The following GALNT18 variants were observed in gnomAD, a reference collection of about 807,000 sequenced individuals.
GALNT18 encodes the protein GalNAc-transferase 18.
GALNT18 carries 44 observed loss-of-function variants against 69.5 expected under a neutral mutation model. The ratio of observed to expected loss-of-function variants is 0.63; its 90% CI spans 0.50 to 0.81. The LOEUF (loss-of-function observed/expected upper bound fraction) is 0.81. Among genes scored for constraint, GALNT18 ranks in the 40% least tolerant of loss-of-function variants. The pLI is 0.00. For missense variants in GALNT18, 715 were observed against 810.0 expected, an observed-to-expected ratio of 0.88 and a Z score of 1.42; for synonymous variants, 364 against 318.2, an observed-to-expected ratio of 1.14 and a Z score of -1.53.
intron 5 of GALNT18, among the ~76,000 whole-genome samples, chr11:11,373,102 T>A (rs899302944): frequency 1.3e-5 from 2 of 152,084 alleles, no homozygotes; most frequent in Admixed American, 1.3e-4. Context: ...GGGTAAAAAA[T>A]TTGAATTTTA....
At chr11:11,418,437 G>A (rs1854916839) in intron 3 of GALNT18, among the ~76,000 whole-genome samples, 1 of 152,164 alleles carries the variant, frequency 6.6e-6, no homozygotes, top group African/African-American at 2.4e-5. Flanking sequence ...CAAAAACAAA[G>A]GCAGGTTCTG....
rs78733957 is a variant in GALNT18 at position 11,515,092 on chromosome 11, G to A, written c.236-66156C>T. On this transcript the variant is annotated intron_variant, in intron 1 of 10. Transcript: ENST00000227756. ...GTTTTGAATCTGCCACTTTCTAGCT[G>A]CGGGTCTTTGAGCAAGTCACTTCAC... is the stretch of plus-strand genomic sequence containing the variant. Among the ~76,000 whole-genome samples the A allele has an allele frequency of 4.3e-4, 65 of 152,314 alleles. No homozygotes were observed. In the East Asian group the frequency reaches 0.011, roughly 26 times the overall value.
In GALNT18 at chr11:11,529,638, T is replaced by TATATAC. The variant is rs10624956; in HGVS notation, c.236-80703_236-80702insGTATAT. On this transcript the variant is annotated intron_variant, in intron 1 of 10. Transcript: ENST00000227756. ...ATAATAATCTCCTTATATATATATA[T>TATATAC]ACACACACACACACACACAGAGACA... Among the ~76,000 whole-genome samples the TATATAC allele has an allele frequency of 1.2e-3, 85 of 72,950 alleles. No individual in the cohort carries two copies. In the East Asian group the frequency reaches 0.079, roughly 68 times the overall value. The allele number at this position is 72,950 out of a possible 152,430, so 47.9% of individuals were successfully genotyped here.
chr11:11,451,119 C>T (rs142136440), intron 1 of GALNT18, among the ~76,000 whole-genome samples: 6 of 152,300 alleles, frequency 3.9e-5, no homozygotes, highest in Non-Finnish European at 8.8e-5. Flanking sequence ...ACAGCATTGT[C>T]AGGATTGCAG....
At chr11:11,308,174 T>C (rs1849609984) in intron 9 of GALNT18, among the ~76,000 whole-genome samples, 1 of 152,214 alleles carries the variant, frequency 6.6e-6, no homozygotes, top group African/African-American at 2.4e-5. Flanking sequence ...TATCTCCATA[T>C]ACGACTCTAC....
At chr11:11,423,750 G>A (rs1178173699) in intron 3 of GALNT18, among the ~76,000 whole-genome samples, 1 of 152,236 alleles carries the variant, frequency 6.6e-6, no homozygotes, top group Admixed American at 6.5e-5. Context: ...GGTAAAGGGT[G>A]TAGACGCTGA....
chr11:11,297,184 C>T (rs1327411150), intron 9 of GALNT18, among the ~76,000 whole-genome samples: 1 of 152,046 alleles, frequency 6.6e-6, no homozygotes, highest in East Asian at 1.9e-4. Context: ...GGACAGCCCC[C>T]CACAGCAAAG....
In GALNT18 at chr11:11,334,405, T is replaced by C. The variant is rs111680203; in HGVS notation, c.1279-1574A>G. ...AAAATACAAAAAAATTAGCCGGGCA[T>C]GGTGGCGGGCGCCTGTAGTCCCAGC... is the stretch of plus-strand genomic sequence containing the variant. On this transcript the variant is annotated intron_variant, in intron 7 of 10. Transcript: ENST00000227756. Among the ~76,000 whole-genome samples, 985 of 152,038 alleles carry C rather than the reference T, an allele frequency of 6.5e-3. 10 individuals are homozygous for C. Among genetic ancestry groups the C allele is most frequent in the African/African-American group, 0.023 (941 of 41,464 alleles).
intron 10 of GALNT18, among the ~76,000 whole-genome samples, chr11:11,288,439 C>T (rs1162107809): frequency 6.6e-6 from 1 of 152,182 alleles, no homozygotes; most frequent in Non-Finnish European, 1.5e-5. Context: ...GTTCTGCAGA[C>T]CAAGTCGGTC....
intron 1 of GALNT18, among the ~76,000 whole-genome samples, chr11:11,486,208 G>A (rs1230971449): frequency 1.3e-5 from 2 of 152,156 alleles, no homozygotes; most frequent in Non-Finnish European, 1.5e-5. Context: ...CACCATCCCA[G>A]GTCCTTGTAC....
rs1857053482 is a variant in GALNT18, at chr11:11,505,602, G to A, written c.236-56666C>T. On this transcript the variant is annotated intron_variant, in intron 1 of 10. Coordinates refer to ENST00000227756, the MANE Select transcript of GALNT18 (RefSeq NM_198516.3). This position sits in a 1 kb window ranked among gnomAD's most constrained non-coding sequence, Gnocchi z 4.6. ...TCCCCCATCAATGCCACATCATCTG[G>A]ATTCAGTCTCCGACATCCCAATGAA... is the stretch of plus-strand genomic sequence containing the variant. Among the ~76,000 whole-genome samples the A allele has an allele frequency of 6.6e-6, 1 of 152,050 alleles. No individual in the cohort carries two copies. The highest frequency in any genetic ancestry group is 2.4e-5 in the African/African-American group (1 of 41,390).
chr11:11,501,055 G>T (rs1171700567), intron 1 of GALNT18, among the ~76,000 whole-genome samples: 1 of 152,196 alleles, frequency 6.6e-6, no homozygotes, highest in African/African-American at 2.4e-5. Context: ...GCACCTCTGA[G>T]ACGCCCTCTC....
chr11:11,395,584 A>G (rs1854307336), intron 3 of GALNT18, among the ~76,000 whole-genome samples: 1 of 152,222 alleles, frequency 6.6e-6, no homozygotes, highest in African/African-American at 2.4e-5. Flanking sequence ...GCAAGGGCCA[A>G]TTGATGTGTG....
At chr11:11,333,227 G>C (rs1850050665) in intron 7 of GALNT18, among the ~76,000 whole-genome samples, 1 of 152,078 alleles carries the variant, frequency 6.6e-6, no homozygotes, top group Non-Finnish European at 1.5e-5. Context: ...GAAGGAAAAA[G>C]CATTGAGATG....
In GALNT18 at chr11:11,618,809, G is replaced by A. The variant is rs1477735348; in HGVS notation, c.235+2550C>T. ...TTAGAATAGGGCCTGACATATCCTA[G>A]GTGCTATGTTATTTTAGCTCTTATT... On this transcript the variant is annotated intron_variant, in intron 1 of 10. Coordinates refer to ENST00000227756, the MANE Select transcript of GALNT18 (RefSeq NM_198516.3). This position sits in a 1 kb window ranked among gnomAD's most constrained non-coding sequence, Gnocchi z 6.1. Among the ~76,000 whole-genome samples the A allele has an allele frequency of 6.6e-6, 1 of 152,150 alleles. No individual in the cohort carries two copies. The highest frequency in any genetic ancestry group is 1.5e-5 in the Non-Finnish European group (1 of 68,020).
rs1327619744 is a variant in GALNT18 at position 11,619,341 on chromosome 11, A to T, written c.235+2018T>A. On this transcript the variant is annotated intron_variant, in intron 1 of 10. Coordinates refer to ENST00000227756, the MANE Select transcript of GALNT18 (RefSeq NM_198516.3). This position sits in a 1 kb window ranked among gnomAD's most constrained non-coding sequence, Gnocchi z 4.9. ...ATCTTCTCCAATTTTTCAGGTATAG[A>T]TTTGAAAGTGCTGAACAACACATAG... Among the ~76,000 whole-genome samples the T allele has an allele frequency of 6.6e-6, 1 of 152,142 alleles. No individual in the cohort carries two copies. The highest frequency in any genetic ancestry group is 2.4e-5 in the African/African-American group (1 of 41,426).
chr11:11,524,846 C>A (rs558054695), intron 1 of GALNT18, among the ~76,000 whole-genome samples: 4 of 152,214 alleles, frequency 2.6e-5, no homozygotes, highest in South Asian at 2.1e-4. Flanking sequence ...TCTGCCTTCA[C>A]GACATTTGTC....
chr11:11,544,983 C>T (rs191861414), intron 1 of GALNT18, among the ~76,000 whole-genome samples: 44 of 152,352 alleles, frequency 2.9e-4, no homozygotes, highest in African/African-American at 1.0e-3. Flanking sequence ...CTACACTACC[C>T]TGCCTTCCTG....
At chr11:11,561,247 T>A (rs988355044) in intron 1 of GALNT18, among the ~76,000 whole-genome samples, 2 of 152,164 alleles carry the variant, frequency 1.3e-5, no homozygotes, top group Admixed American at 6.5e-5. Flanking sequence ...CCTAGCCACC[T>A]TCTCTTAATA....
Sources: gnomAD v4.1 joint callset for allele counts (sites outside exome capture counted in the v4.1 genomes callset) on GRCh38, gnomAD v4.1.1 for gene constraint, Gnocchi (gnomAD v3.1) non-coding constraint, MANE v1.5 for transcripts, NCBI Gene and HGNC (gene_info 2026-07-23, HGNC 2026-07-21) for gene names.